Variants in ZRANB3 observed in about 807,000 individuals in gnomAD.
ZRANB3 encodes the protein zinc finger RANBP2-type containing 3, also known as DNA annealing helicase and endonuclease ZRANB3.
ZRANB3 carries 125 observed loss-of-function variants against 133.8 expected under a neutral mutation model. The ratio of observed to expected loss-of-function variants is 0.93; its 90% CI spans 0.81 to 1.08. The LOEUF is 1.08. ZRANB3 is among the 50% of genes least tolerant of loss of function. The probability of loss-of-function intolerance (pLI) is 0.00; values close to 1 mark genes in which losing one functional copy is unlikely to be tolerated. For synonymous variants in ZRANB3, 387 were observed against 432.7 expected (o/e 0.89, Z 1.31); for missense variants, 1,229 against 1,275.5 (o/e 0.96, Z 0.56).
intron 8 of ZRANB3, among the ~76,000 whole-genome samples, chr2:135,303,288 T>C (rs1165769417): frequency 6.6e-6 from 1 of 152,176 alleles, no homozygotes; most frequent in African/African-American, 2.4e-5. Flanking sequence ...TAAAACATTG[T>C]CCTACCCAAA....
chr2:135,281,883 T>C (rs1052623495), intron 8 of ZRANB3, among the ~76,000 whole-genome samples: 10 of 152,220 alleles, frequency 6.6e-5, no homozygotes, highest in African/African-American at 2.4e-4. Context: ...ATTTCAGCTC[T>C]AGGTAAACAT....
chr2:135,209,455 T>C (rs1370752676), intron 17 of ZRANB3, among the ~76,000 whole-genome samples: 2 of 152,220 alleles, frequency 1.3e-5, no homozygotes, highest in Non-Finnish European at 2.9e-5. Flanking sequence ...AGTTTCTTTT[T>C]AGTTAACCAG....
chr2:135,306,436 C>T lies in ZRANB3; in HGVS notation c.966+7053G>A, dbSNP rs557611101. 5.2e-3 allele frequency among the ~76,000 whole-genome samples: 780 copies of T among 150,148 alleles called. 11 individuals carry two copies. The highest frequency in any genetic ancestry group is 0.018 in the African/African-American group (727 of 40,904). On this transcript the variant is annotated intron_variant, in intron 8 of 20. Transcript: ENST00000264159. ...CCGAGTAGCTGGGACTACAGGCACCCGCCACCACGCCCGGCTAATTTTTTT... is the reference window on the plus strand; with the variant it reads ...CCGAGTAGCTGGGACTACAGGCACCTGCCACCACGCCCGGCTAATTTTTTT...
chr2:135,279,949 A>G (rs1462451272), intron 8 of ZRANB3, among the ~76,000 whole-genome samples: 1 of 152,256 alleles, frequency 6.6e-6, no homozygotes, highest in Non-Finnish European at 1.5e-5. Context: ...TGGGGATTAC[A>G]TAGATTTTCA....
chr2:135,413,156 G>A (rs1688386626), intron 2 of ZRANB3, among the ~76,000 whole-genome samples: 1 of 152,070 alleles, frequency 6.6e-6, no homozygotes, highest in Admixed American at 6.6e-5. Context: ...AGACACTTTA[G>A]GACACTTCGG....
chr2:135,251,398 C>A (rs1679386348), intron 12 of ZRANB3, among the ~76,000 whole-genome samples: 1 of 152,080 alleles, frequency 6.6e-6, no homozygotes, highest in South Asian at 2.1e-4. Context: ...TTTGGGAAAG[C>A]ATAATTGGTT....
chr2:135,433,862 T>A (rs1388986414), intron 2 of ZRANB3, among the ~76,000 whole-genome samples: 1 of 152,096 alleles, frequency 6.6e-6, no homozygotes, highest in Non-Finnish European at 1.5e-5. Context: ...CTGGGCATGG[T>A]GACGTGTGCC....
intron 2 of ZRANB3, among the ~76,000 whole-genome samples, chr2:135,417,850 T>C (rs1337356747): frequency 6.6e-6 from 1 of 152,152 alleles, no homozygotes; most frequent in Non-Finnish European, 1.5e-5. Flanking sequence ...CTCAGTAAAC[T>C]ATCGCAAGGA....
At position 135,353,602 on chromosome 2, in the gene ZRANB3, T is replaced by C; in HGVS notation, c.207A>G (p.Ala69=). The C allele has an allele frequency of 6.3e-7, 1 of 1,584,690 alleles. No individual in the cohort carries two copies. Among genetic ancestry groups the C allele is most frequent in the Non-Finnish European group, 8.6e-7 (1 of 1,165,168 alleles). Residue 69 remains alanine (A), a synonymous_variant, in exon 4 of 21, where the codon GCA becomes GCG. Coordinates refer to ENST00000264159, the MANE Select transcript of ZRANB3 (RefSeq NM_032143.4). ...CTTTATAGAAGTAAGTAATTCCAAT[T>C]GCCTGGATTGTCTTTCCTAGACCCA... ...DEMGLGKTIQ[A]IGITYFYKEE... is the part of the protein sequence containing the mutation.
At chr2:135,340,753 G>T (rs1684612218) in intron 6 of ZRANB3, among the ~76,000 whole-genome samples, 1 of 151,886 alleles carries the variant, frequency 6.6e-6, no homozygotes, top group African/African-American at 2.4e-5. Flanking sequence ...CTACTCGGGA[G>T]GCTGAGGCAG....
intron 9 of ZRANB3, among the ~76,000 whole-genome samples, chr2:135,275,306 C>A (rs1351525525): frequency 1.7e-4 from 25 of 147,492 alleles, no homozygotes; most frequent in Non-Finnish European, 2.9e-4. Flanking sequence ...GGCTGCCCCC[C>A]ACCTCCCTCC....
chr2:135,214,138 T>A (rs1442872607), intron 17 of ZRANB3, among the ~76,000 whole-genome samples: 1 of 152,218 alleles, frequency 6.6e-6, no homozygotes, highest in Non-Finnish European at 1.5e-5. Context: ...TCCAGAGCAT[T>A]ACTAGAAAAC....
intron 8 of ZRANB3, among the ~76,000 whole-genome samples, chr2:135,303,668 T>C (rs1480572394): frequency 6.6e-6 from 1 of 152,190 alleles, no homozygotes. Context: ...ATTTTATATT[T>C]AGTGTGTTAA....
rs1689421885 is a variant in ZRANB3 at position 135,433,910 on chromosome 2, T to C, written c.162-43090A>G. On this transcript the variant is annotated intron_variant, in intron 2 of 20. Coordinates refer to ENST00000264159, the MANE Select transcript of ZRANB3 (RefSeq NM_032143.4). ...TACTTGGGAGGCTGAGGCAGGGGAA[T>C]TGCTTGAACCTGGGAGGCGGAGGTT... 2.0e-5 allele frequency among the ~76,000 whole-genome samples: 3 copies of C among 152,214 alleles called. No homozygotes were observed. In the South Asian group the frequency reaches 6.2e-4, roughly 31 times the overall value.
intron 8 of ZRANB3, among the ~76,000 whole-genome samples, chr2:135,308,137 T>C (rs754637055): frequency 5.9e-5 from 9 of 152,046 alleles, no homozygotes; most frequent in Admixed American, 1.3e-4. Flanking sequence ...GGTGTTCCTG[T>C]CCCCCACCAC....
intron 6 of ZRANB3, among the ~76,000 whole-genome samples, chr2:135,321,474 A>ATT (rs34493241): frequency 8.2e-5 from 11 of 134,032 alleles, no homozygotes; most frequent in Admixed American, 1.5e-4. Context: ...GAGTTTTGGG[A>ATT]TTTTTTTTTT....
chr2:135,279,620 T>A (rs1391433520), intron 8 of ZRANB3, among the ~76,000 whole-genome samples: 16 of 152,158 alleles, frequency 1.1e-4, no homozygotes, highest in Admixed American at 9.2e-4. Flanking sequence ...TCGGATGGAT[T>A]CCCCCTCCTC....
At chr2:135,332,400 A>G (rs1684189865) in intron 6 of ZRANB3, among the ~76,000 whole-genome samples, 1 of 152,176 alleles carries the variant, frequency 6.6e-6, no homozygotes, top group South Asian at 2.1e-4. Context: ...TGTAGGCTTC[A>G]TAAGATCAAG....
At chr2:135,493,023 C>T (rs191646880) in intron 2 of ZRANB3, among the ~76,000 whole-genome samples, 4 of 146,448 alleles carry the variant, frequency 2.7e-5, no homozygotes, top group African/African-American at 7.5e-5. Context: ...GCTGAAATAA[C>T]TAGATATTGG....
Sources: gnomAD v4.1 joint callset for allele counts (sites outside exome capture counted in the v4.1 genomes callset) on GRCh38, gnomAD v4.1.1 for gene constraint, MANE v1.5 for transcripts, NCBI Gene and HGNC (gene_info 2026-07-23, HGNC 2026-07-21) for gene names.